DLGAP2: variants seen among roughly 807,000 people sequenced by gnomAD.
The protein encoded by DLGAP2 is DLG associated protein 2, also known as disks large-associated protein 2.
DLGAP2 carries 26 observed loss-of-function variants against 100.3 expected under a neutral mutation model. The ratio of observed to expected loss-of-function variants is 0.26; its 90% CI spans 0.19 to 0.36. The LOEUF (loss-of-function observed/expected upper bound fraction) is 0.36, where lower values mean the gene tolerates loss of function less well. DLGAP2 is among the 10% of genes least tolerant of loss of function. The pLI is 1.00. For missense variants in DLGAP2, 1,858 were observed against 1,453.2 expected, an observed-to-expected ratio of 1.28 and a Z score of -4.53; for synonymous variants, 886 against 630.1, an observed-to-expected ratio of 1.41 and a Z score of -6.08.
At chr8:1,567,054 T>A (rs1297582730) in intron 6 of DLGAP2, among the ~76,000 whole-genome samples, 1 of 152,152 alleles carries the variant, frequency 6.6e-6, no homozygotes, top group Admixed American at 6.5e-5. Context: ...GCCAAAATGT[T>A]GCCCTGGGGA....
At chr8:870,068 T>C (rs939024442) in intron 1 of DLGAP2, among the ~76,000 whole-genome samples, 1 of 152,232 alleles carries the variant, frequency 6.6e-6, no homozygotes, top group African/African-American at 2.4e-5. Flanking sequence ...TTTCATTTCT[T>C]ATTGTACATT....
chr8:1,428,126 A>G (rs1310992827), intron 3 of DLGAP2, among the ~76,000 whole-genome samples: 1 of 151,046 alleles, frequency 6.6e-6, no homozygotes, highest in Non-Finnish European at 1.5e-5. Flanking sequence ...AGAAAATGAT[A>G]AATATAAAAT....
chr8:797,083 C>G (rs1324217624), intron 1 of DLGAP2, among the ~76,000 whole-genome samples: 2 of 152,164 alleles, frequency 1.3e-5, no homozygotes, highest in African/African-American at 2.4e-5. Context: ...TAAGGAGTAA[C>G]TTTTATGCAA....
intron 3 of DLGAP2, among the ~76,000 whole-genome samples, chr8:1,377,036 C>T (rs532151976): frequency 3.9e-5 from 6 of 152,354 alleles, no homozygotes; most frequent in Non-Finnish European, 7.3e-5. Context: ...TTACTGTGCG[C>T]GGTCCCTGGC....
intron 8 of DLGAP2, among the ~76,000 whole-genome samples, chr8:1,654,710 A>C (rs960449809): frequency 6.6e-6 from 1 of 151,672 alleles, no homozygotes; most frequent in Non-Finnish European, 1.5e-5. Context: ...CCTACTTATC[A>C]ATTGGATTGG....
intron 2 of DLGAP2, among the ~76,000 whole-genome samples, chr8:928,733 A>T (rs1798874473): frequency 6.6e-6 from 1 of 152,082 alleles, no homozygotes. Flanking sequence ...AATAGGTGGG[A>T]ATCGCTGCCC....
intron 2 of DLGAP2, among the ~76,000 whole-genome samples, chr8:1,037,074 T>C (rs996703748): frequency 2.0e-5 from 3 of 152,098 alleles, no homozygotes; most frequent in African/African-American, 7.2e-5. Context: ...CGGACAGGCA[T>C]GCTGTGTCCC....
intron 2 of DLGAP2, among the ~76,000 whole-genome samples, chr8:1,034,183 A>T (rs1292425748): frequency 7.8e-5 from 1 of 12,880 alleles, no homozygotes; most frequent in Non-Finnish European, 1.2e-4. Context: ...GTGTCACAGC[A>T]AGCGGGTTCA....
intron 1 of DLGAP2, among the ~76,000 whole-genome samples, chr8:825,316 C>T (rs1796666418): frequency 6.6e-6 from 1 of 152,216 alleles, no homozygotes; most frequent in Non-Finnish European, 1.5e-5. Flanking sequence ...CTGTGGGAAA[C>T]TGTACACCTT....
intron 3 of DLGAP2, among the ~76,000 whole-genome samples, chr8:1,317,911 A>G (rs1209287042): frequency 8.5e-6 from 1 of 117,552 alleles, no homozygotes; most frequent in Non-Finnish European, 1.7e-5. Flanking sequence ...ACAGTGGTCT[A>G]CACTCGAGAC....
chr8:994,075 T>C (rs1800714010), intron 2 of DLGAP2, among the ~76,000 whole-genome samples: 2 of 152,196 alleles, frequency 1.3e-5, no homozygotes, highest in Non-Finnish European at 2.9e-5. Flanking sequence ...ATGGTGGTTT[T>C]TGGATGAGAC....
At chr8:1,319,901 G>A (rs184169748) in intron 3 of DLGAP2, among the ~76,000 whole-genome samples, 185 of 152,280 alleles carry the variant, frequency 1.2e-3, no homozygotes, top group African/African-American at 4.2e-3. Context: ...GGGAAGAGAC[G>A]GGGACGATGG....
chr8:1,258,132 A>G (rs74818943), intron 2 of DLGAP2, among the ~76,000 whole-genome samples: 1 of 152,160 alleles, frequency 6.6e-6, no homozygotes, highest in Non-Finnish European at 1.5e-5. Flanking sequence ...CTCAATACCC[A>G]TGGATTTTAG....
chr8:1,548,648 C>T lies in DLGAP2; in HGVS notation c.195C>T (p.Pro65=), dbSNP rs766842538. The T allele has an allele frequency of 1.3e-6, 2 of 1,563,520 alleles. No individual in the cohort carries two copies. Among genetic ancestry groups the T allele is most frequent in the Non-Finnish European group, 1.7e-6 (2 of 1,155,848 alleles). ...CAGACCCGCAGTACTCATGGTCGCC[C>T]ACGCAGCACTTCAATGAGGAGCGCT... ...EDLDPQYSWS[P]TQHFNEERYS... is the part of the protein sequence containing the mutation. Residue 65 remains proline (P), a synonymous_variant, in exon 5 of 15, where the codon CCC becomes CCT. Transcript: ENST00000637795.
At chr8:1,646,221 G>C (rs1165594665) in intron 8 of DLGAP2, among the ~76,000 whole-genome samples, 1 of 152,150 alleles carries the variant, frequency 6.6e-6, no homozygotes, top group African/African-American at 2.4e-5. Flanking sequence ...CTCTTCCATA[G>C]AGAGAGGGAA....
In DLGAP2 at chr8:1,287,282, G is replaced by GTGTGTGTGT. The variant is rs1200556783; in HGVS notation, c.106+28399_106+28400insTGTGTGTGT. Reference sequence around the variant, plus strand: ...TAGTTCAGCGTGTGTGTGTGTGTGTGGTTGTTAGGAGGGGAACTAGTTTCG... The same window carrying GTGTGTGTGT: ...TAGTTCAGCGTGTGTGTGTGTGTGTGTGTGTGTGTGTTGTTAGGAGGGGAACTAGTTTCG... On this transcript the variant is annotated intron_variant, in intron 3 of 14. Transcript: ENST00000637795. Among the ~76,000 whole-genome samples the GTGTGTGTGT allele has an allele frequency of 8.9e-5, 9 of 101,668 alleles. 1 individual carries two copies. The highest frequency in any genetic ancestry group is 7.4e-4 in the Admixed American group (7 of 9,460). The allele number at this position is 101,668 out of a possible 152,430, so 66.7% of individuals were successfully genotyped here.
chr8:1,091,126 G>A (rs530028398), intron 2 of DLGAP2, among the ~76,000 whole-genome samples: 8 of 152,144 alleles, frequency 5.3e-5, no homozygotes, highest in Non-Finnish European at 1.0e-4. Context: ...GAGCAGTGGA[G>A]AGCCAGAAGC....
At chr8:1,052,971 T>G (rs1256368195) in intron 2 of DLGAP2, among the ~76,000 whole-genome samples, 1 of 152,184 alleles carries the variant, frequency 6.6e-6, no homozygotes, top group Non-Finnish European at 1.5e-5. Flanking sequence ...GAAATGTAAA[T>G]GTGACCTTCC....
At chr8:1,171,615 T>C (rs1797130211) in intron 2 of DLGAP2, among the ~76,000 whole-genome samples, 1 of 152,218 alleles carries the variant, frequency 6.6e-6, no homozygotes, top group Non-Finnish European at 1.5e-5. Flanking sequence ...TCTTGTTGAA[T>C]TGATCCCTTT....
Sources: gnomAD v4.1 joint callset for allele counts (sites outside exome capture counted in the v4.1 genomes callset) on GRCh38, gnomAD v4.1.1 for gene constraint, MANE v1.5 for transcripts, NCBI Gene and HGNC (gene_info 2026-07-23, HGNC 2026-07-21) for gene names.